COL8A1: variants seen among roughly 807,000 people sequenced by gnomAD.
COL8A1 encodes the protein collagen alpha-1(VIII) chain.
In COL8A1, 21 loss-of-function variants were observed where a neutral mutation model predicts 42.7. That is an observed-to-expected ratio of 0.49 (90% confidence interval 0.35 to 0.71). The LOEUF (loss-of-function observed/expected upper bound fraction) is 0.71, where lower values mean the gene tolerates loss of function less well. Among genes scored for constraint, COL8A1 ranks in the 30% least tolerant of loss-of-function variants. The pLI is 0.01. For missense variants in COL8A1, 788 were observed against 962.4 expected (o/e 0.82, Z 2.40); for synonymous variants, 367 against 369.1 (o/e 0.99, Z 0.06).
chr3:99,796,889 G>A lies in COL8A1; in HGVS notation c.*753G>A, dbSNP rs1276380737. On this transcript the variant is annotated 3_prime_UTR_variant, in exon 4 of 4. Transcript: ENST00000652472. Reference sequence around the variant, plus strand: ...GTAACCCTCAAGGAGCTAGAGAACCGGATGGGAGACATGAGCAGTAATTAA... The same window carrying A: ...GTAACCCTCAAGGAGCTAGAGAACCAGATGGGAGACATGAGCAGTAATTAA... The A allele has an allele frequency of 6.6e-6, 1 of 152,172 alleles. No homozygotes were observed. The allele number at this position is 152,172 out of a possible 1,614,324, so 9.4% of individuals were successfully genotyped here. A position where few individuals can be genotyped will look rare whatever the true frequency, so the allele number is the denominator to read the frequency against.
chr3:99,699,801 T>TCACATA (rs1553723090), intron 1 of COL8A1, among the ~76,000 whole-genome samples: 141 of 152,194 alleles, frequency 9.3e-4, no homozygotes, highest in African/African-American at 3.1e-3. Context: ...CCGTCCCACC[T>TCACATA]CACATACACA....
At chr3:99,659,783 A>G (rs949484303) in intron 1 of COL8A1, among the ~76,000 whole-genome samples, 1 of 151,996 alleles carries the variant, frequency 6.6e-6, no homozygotes, top group Non-Finnish European at 1.5e-5. Flanking sequence ...TAAACACTCG[A>G]TTTCTGTTTA....
chr3:99,736,102 G>C (rs1204877151), intron 1 of COL8A1, among the ~76,000 whole-genome samples: 3 of 151,982 alleles, frequency 2.0e-5, no homozygotes, highest in Non-Finnish European at 2.9e-5. Context: ...CAAAAACCCA[G>C]CTCCTAGATT....
intron 1 of COL8A1, among the ~76,000 whole-genome samples, chr3:99,643,319 A>G (rs191123048): frequency 2.1e-3 from 315 of 152,328 alleles, no homozygotes; most frequent in Non-Finnish European, 3.5e-3. Flanking sequence ...AATGTCTAGG[A>G]CACGTTGACA....
chr3:99,700,858 T>C (rs1234568142), intron 1 of COL8A1, among the ~76,000 whole-genome samples: 1 of 152,152 alleles, frequency 6.6e-6, no homozygotes, highest in Non-Finnish European at 1.5e-5. Flanking sequence ...TGCTGGACTT[T>C]TGGACCACGT....
chr3:99,665,999 T>C lies in COL8A1; in HGVS notation c.-129+27335T>C, dbSNP rs148459777. ...AGCCACCACGCCCAGCCTGAATTAA[T>C]TATTGATAGAGCAGTAGGTGCCTGA... On this transcript the variant is annotated intron_variant, in intron 1 of 3. Coordinates refer to ENST00000652472, the MANE Select transcript of COL8A1 (RefSeq NM_020351.4). Among the ~76,000 whole-genome samples, 31 of 152,162 alleles carry C rather than the reference T, an allele frequency of 2.0e-4. No homozygotes were observed. In the East Asian group the frequency reaches 6.0e-3, roughly 29 times the overall value.
rs140136211 is a variant in COL8A1 at position 99,677,064 on chromosome 3, A to AAGAG, written c.-129+38417_-129+38420dup. Among the ~76,000 whole-genome samples, 8 of 149,448 alleles carry AAGAG rather than the reference A, an allele frequency of 5.4e-5. No individual in the cohort carries two copies. In the East Asian group the frequency reaches 5.9e-4, roughly 11 times the overall value. Reference sequence around the variant, plus strand: ...AAAACCCTGTCTGTACAAAAAGAAAAAGAGAGAGAGAGAGAGAGAGGGAGA... The same window carrying AAGAG: ...AAAACCCTGTCTGTACAAAAAGAAAAAGAGAGAGAGAGAGAGAGAGAGAGGGAGA... On this transcript the variant is annotated intron_variant, in intron 1 of 3. Transcript: ENST00000652472.
chr3:99,703,291 G>A (rs565451595), intron 1 of COL8A1: 2 of 152,302 alleles, frequency 1.3e-5, no homozygotes, highest in East Asian at 3.9e-4. Context: ...GATTTGCGCT[G>A]TTTCCCATTT....
chr3:99,721,807 G>T (rs1021793261), intron 1 of COL8A1, among the ~76,000 whole-genome samples: 1 of 151,714 alleles, frequency 6.6e-6, no homozygotes, highest in African/African-American at 2.4e-5. Flanking sequence ...AAGTCAGGCT[G>T]ATATGTGAAA....
At position 99,734,283 on chromosome 3, in the gene COL8A1, G is replaced by A. The variant is rs1197990105; in HGVS notation, c.-128-10614G>A. Reference sequence around the variant, plus strand: ...TCTTCTAGGGTTTTTAGGGTTTTAGGTCTAACATTTAAGTCTTCAATCCAT... The same window carrying A: ...TCTTCTAGGGTTTTTAGGGTTTTAGATCTAACATTTAAGTCTTCAATCCAT... On this transcript the variant is annotated intron_variant, in intron 1 of 3. Coordinates refer to ENST00000652472, the MANE Select transcript of COL8A1 (RefSeq NM_020351.4). Among the ~76,000 whole-genome samples the A allele has an allele frequency of 1.2e-4, 17 of 139,736 alleles. 4 individuals are homozygous for A. The highest frequency in any genetic ancestry group is 4.9e-4 in the African/African-American group (17 of 34,572). The allele number at this position is 139,736 out of a possible 152,430, so 91.7% of individuals were successfully genotyped here. A position where few individuals can be genotyped will look rare whatever the true frequency, so the allele number is the denominator to read the frequency against.
chr3:99,698,130 T>G (rs1939433113), intron 1 of COL8A1, among the ~76,000 whole-genome samples: 1 of 152,254 alleles, frequency 6.6e-6, no homozygotes. Flanking sequence ...TCCATGTCCC[T>G]GCAAAGGACA....
At chr3:99,669,152 G>GTATATATATATATATATAT (rs1559773196) in intron 1 of COL8A1, among the ~76,000 whole-genome samples, 1 of 42,498 alleles carries the variant, frequency 2.4e-5, no homozygotes, top group African/African-American at 7.5e-5. Context: ...TATATAGAGG[G>GTATATATATATATATATAT]AGAGAGAGAG....
rs1194061029 is a variant in COL8A1 at position 99,648,833 on chromosome 3, G to A, written c.-129+10169G>A. Reference sequence around the variant, plus strand: ...CATAAACCGTAGCCAGATGATGACAGTAAACATGACTTAAATGTTTCCCCC... The same window carrying A: ...CATAAACCGTAGCCAGATGATGACAATAAACATGACTTAAATGTTTCCCCC... On this transcript the variant is annotated intron_variant, in intron 1 of 3. Transcript: ENST00000652472. Among the ~76,000 whole-genome samples, 5 of 152,120 alleles carry A rather than the reference G, an allele frequency of 3.3e-5. No individual in the cohort carries two copies. In the East Asian group the frequency reaches 9.6e-4, roughly 29 times the overall value.
At chr3:99,735,734 T>C (rs1349257403) in intron 1 of COL8A1, among the ~76,000 whole-genome samples, 3 of 152,042 alleles carry the variant, frequency 2.0e-5, no homozygotes, top group Admixed American at 2.0e-4. Flanking sequence ...TGGTACCAGC[T>C]CCTCCTTGTA....
At chr3:99,644,471 T>C (rs1466217146) in intron 1 of COL8A1, among the ~76,000 whole-genome samples, 1 of 152,246 alleles carries the variant, frequency 6.6e-6, no homozygotes, top group Non-Finnish European at 1.5e-5. Context: ...AATATTCTTG[T>C]ATTGTTTCTG....
intron 1 of COL8A1, among the ~76,000 whole-genome samples, chr3:99,647,050 A>T (rs1406837439): frequency 1.3e-5 from 2 of 152,266 alleles, no homozygotes; most frequent in Non-Finnish European, 2.9e-5. Context: ...TTCTGTGGTC[A>T]AATAAGCTTT....
intron 1 of COL8A1, among the ~76,000 whole-genome samples, chr3:99,697,884 G>T (rs1387581158): frequency 6.6e-6 from 1 of 152,064 alleles, no homozygotes; most frequent in Non-Finnish European, 1.5e-5. Flanking sequence ...TGTTACATAG[G>T]TATACATGTG....
intron 1 of COL8A1, among the ~76,000 whole-genome samples, chr3:99,655,187 T>G (rs1279146907): frequency 6.6e-6 from 1 of 152,178 alleles, no homozygotes. Context: ...CTGGGGCAAG[T>G]GTCCTCTCAC....
At position 99,794,511 on chromosome 3, in the gene COL8A1, C is replaced by T. The variant is rs1425656604; in HGVS notation, c.610C>T (p.Leu204Phe). ...GPQGPPGPHG[L>F]PGIGKPGGPG... ...ACAAGGACCTCCAGGGCCTCATGGA[C>T]TTCCTGGCATTGGGAAGCCAGGTGG... The change falls in exon 4 of 4, where the codon CTT becomes TTT. Residue 204 changes from leucine to phenylalanine, a missense_variant. By Grantham distance (22) the Leu-to-Phe change is conservative. Around this residue, in one of 4 missense-constraint regions of COL8A1, gnomAD observed 421 missense variants for 553.1 expected, o/e 0.76. Transcript: ENST00000652472. This position sits in a 1 kb window ranked among gnomAD's most constrained non-coding sequence, Gnocchi z 4.3. The T allele has an allele frequency of 1.2e-6, 2 of 1,614,036 alleles. No homozygotes were observed. The highest frequency in any genetic ancestry group is 3.3e-5 in the Admixed American group (2 of 60,022).
Sources: gnomAD v4.1 joint callset for allele counts (sites outside exome capture counted in the v4.1 genomes callset) on GRCh38, gnomAD v4.1.1 for gene constraint, gnomAD v4.1.1 regional missense constraint, Gnocchi (gnomAD v3.1) non-coding constraint, MANE v1.5 for transcripts, NCBI Gene and HGNC (gene_info 2026-07-23, HGNC 2026-07-21) for gene names.